The following SYT9 variants were observed in gnomAD, a reference collection of about 807,000 sequenced individuals.
The protein encoded by SYT9 is synaptotagmin-9.
In SYT9, 22 loss-of-function variants were observed where a neutral mutation model predicts 48.4. That is an observed-to-expected ratio of 0.45 (90% CI 0.32 to 0.65). The LOEUF (loss-of-function observed/expected upper bound fraction) is 0.65. SYT9 is among the 30% of genes least tolerant of loss of function. The probability of loss-of-function intolerance (pLI) is 0.03; values close to 1 mark genes in which losing one functional copy is unlikely to be tolerated. For synonymous variants in SYT9, 265 were observed against 245.0 expected, an observed-to-expected ratio of 1.08 and a Z score of -0.76; for missense variants, 577 against 622.0, an observed-to-expected ratio of 0.93 and a Z score of 0.77.
intron 6 of SYT9, among the ~76,000 whole-genome samples, chr11:7,465,597 T>TAGAGAG (rs1309088082): frequency 6.6e-6 from 1 of 152,208 alleles, no homozygotes; most frequent in East Asian, 1.9e-4. Flanking sequence ...GTCTGGGGCT[T>TAGAGAG]CCTTAAGAGA....
intron 1 of SYT9, among the ~76,000 whole-genome samples, chr11:7,296,411 A>G (rs1011413525): frequency 2.0e-5 from 3 of 152,254 alleles, no homozygotes; most frequent in African/African-American, 7.2e-5. Context: ...ACTAGAATCT[A>G]TTACATGCTT....
At chr11:7,464,226 G>A (rs1199436756) in intron 6 of SYT9, among the ~76,000 whole-genome samples, 1 of 152,174 alleles carries the variant, frequency 6.6e-6, no homozygotes, top group East Asian at 1.9e-4. Flanking sequence ...CAGAGAAATG[G>A]GATAAGCAGC....
intron 3 of SYT9, among the ~76,000 whole-genome samples, chr11:7,335,003 G>A (rs1564866727): frequency 6.6e-6 from 1 of 152,176 alleles, no homozygotes; most frequent in Admixed American, 6.5e-5. Context: ...GGAATAGACT[G>A]CTGGATTAGA....
chr11:7,379,849 AAGTT>A (rs1399025943), intron 3 of SYT9, among the ~76,000 whole-genome samples: 3 of 152,158 alleles, frequency 2.0e-5, no homozygotes, highest in African/African-American at 7.2e-5. Context: ...ATGGGAATGT[AAGTT>A]AGTATAACCA....
chr11:7,253,530 T>G (rs1375929779), intron 1 of SYT9, among the ~76,000 whole-genome samples: 1 of 152,116 alleles, frequency 6.6e-6, no homozygotes, highest in Non-Finnish European at 1.5e-5. Flanking sequence ...TGGGGTGAAG[T>G]CATCTGCTAA....
At chr11:7,393,748 TTATTAC>T (rs1846686086) in intron 3 of SYT9, among the ~76,000 whole-genome samples, 1 of 152,136 alleles carries the variant, frequency 6.6e-6, no homozygotes, top group African/African-American at 2.4e-5. Context: ...AGGTTTTTTT[TTATTAC>T]TGATTCAATT....
chr11:7,445,347 G>A lies in SYT9; in HGVS notation c.1468-21445G>A, dbSNP rs1266456792. On this transcript the variant is annotated intron_variant, in intron 6 of 6. Transcript: ENST00000318881. Reference sequence around the variant, plus strand: ...GGGCCTCTGAAAGCATATGTGGCATGGGCTGGGACTGCCCCTGGGCTTCAC... The same window carrying A: ...GGGCCTCTGAAAGCATATGTGGCATAGGCTGGGACTGCCCCTGGGCTTCAC... Among the ~76,000 whole-genome samples, 2 of 152,158 alleles carry A rather than the reference G, an allele frequency of 1.3e-5. 1 individual carries two copies. The highest frequency in any genetic ancestry group is 2.9e-5 in the Non-Finnish European group (2 of 68,018).
intron 3 of SYT9, among the ~76,000 whole-genome samples, chr11:7,372,020 A>G (rs1219382238): frequency 6.6e-6 from 1 of 152,144 alleles, no homozygotes; most frequent in Non-Finnish European, 1.5e-5. Flanking sequence ...TCTCTTGGGT[A>G]AATACCTAGG....
At chr11:7,306,384 C>A (rs934422787) in intron 2 of SYT9, among the ~76,000 whole-genome samples, 4 of 152,154 alleles carry the variant, frequency 2.6e-5, no homozygotes, top group African/African-American at 9.7e-5. Flanking sequence ...CACCACAAAC[C>A]CCTTATCAGG....
chr11:7,294,458 A>C (rs1182131434), intron 1 of SYT9, among the ~76,000 whole-genome samples: 1 of 152,202 alleles, frequency 6.6e-6, no homozygotes, highest in Non-Finnish European at 1.5e-5. Context: ...CCTGAGGCAA[A>C]TTGCTCTTCC....
Position 7,244,232 on chromosome 11 carries a change from C to A in SYT9, c.49+5316C>A, listed in dbSNP as rs574826220. ...CTTTAAAGTGAAAGAAATGGACTTA[C>A]AACTTTATAATTGTCCATCATAAAA... On this transcript the variant is annotated intron_variant and NMD_transcript_variant, in intron 1 of 8. Transcript: ENST00000524820. Among the ~76,000 whole-genome samples, 4 of 152,264 alleles carry A rather than the reference C, an allele frequency of 2.6e-5. No individual in the cohort carries two copies. The South Asian group carries it at 8.3e-4, about 32-fold the overall frequency.
At chr11:7,432,028 A>T in intron 6 of SYT9, among the ~76,000 whole-genome samples, 1 of 152,184 alleles carries the variant, frequency 6.6e-6, no homozygotes. Flanking sequence ...GAACTATGAG[A>T]AGGGGGCCAC....
At chr11:7,377,385 T>C (rs1403124181) in intron 3 of SYT9, among the ~76,000 whole-genome samples, 5 of 152,222 alleles carry the variant, frequency 3.3e-5, no homozygotes, top group Admixed American at 1.3e-4. Flanking sequence ...TACCTTTTAT[T>C]GGAACAAAGC....
chr11:7,275,403 AG>A (rs1848369120), intron 1 of SYT9, among the ~76,000 whole-genome samples: 1 of 152,198 alleles, frequency 6.6e-6, no homozygotes, highest in Admixed American at 6.5e-5. Context: ...GACACATTTC[AG>A]TGGTTGGAAT....
intron 1 of SYT9, among the ~76,000 whole-genome samples, chr11:7,275,183 G>A (rs530910088): frequency 1.3e-3 from 192 of 152,112 alleles, no homozygotes; most frequent in Middle Eastern, 3.4e-3. Context: ...TCCCTGACTA[G>A]CCAGCTATGA....
chr11:7,316,884 C>G (rs1318401649), intron 3 of SYT9, among the ~76,000 whole-genome samples: 2 of 152,222 alleles, frequency 1.3e-5, no homozygotes, highest in Non-Finnish European at 2.9e-5. Flanking sequence ...TTGACCATCT[C>G]TTGATATGTT....
At chr11:7,271,289 C>T (rs531849145) in intron 1 of SYT9, among the ~76,000 whole-genome samples, 1 of 152,250 alleles carries the variant, frequency 6.6e-6, no homozygotes, top group South Asian at 2.1e-4. Context: ...ACAAACTCTG[C>T]ACTCCCAGAA....
intron 1 of SYT9, among the ~76,000 whole-genome samples, chr11:7,294,663 T>C (rs1848761100): frequency 6.6e-6 from 1 of 152,210 alleles, no homozygotes; most frequent in African/African-American, 2.4e-5. Context: ...GGCTTAATAT[T>C]CTGCCCCCCA....
intron 3 of SYT9, among the ~76,000 whole-genome samples, chr11:7,329,050 C>G (rs1301675212): frequency 6.6e-6 from 1 of 152,092 alleles, no homozygotes; most frequent in Non-Finnish European, 1.5e-5. Flanking sequence ...GTTTATCTTT[C>G]TTAGGATTCA....
Sources: allele counts gnomAD v4.1 joint callset (sites outside exome capture counted in the v4.1 genomes callset), GRCh38; gene constraint gnomAD v4.1.1; transcripts MANE v1.5; gene names NCBI Gene and HGNC (gene_info 2026-07-23, HGNC 2026-07-21).